MAST2: variants seen among roughly 807,000 people sequenced by gnomAD.
MAST2 encodes microtubule associated serine/threonine kinase 2.
Under a neutral mutation model 147.4 loss-of-function variants are expected in MAST2, and 70 were observed. That is an observed-to-expected ratio of 0.47 (90% CI 0.39 to 0.58). The LOEUF (loss-of-function observed/expected upper bound fraction) is 0.58. MAST2 is among the 20% of genes least tolerant of loss of function. MAST2 has a pLI of 0.00. For synonymous variants in MAST2, 869 were observed against 896.8 expected (o/e 0.97, Z 0.55); for missense variants, 2,080 against 2,302.3 (o/e 0.90, Z 1.98).
intron 4 of MAST2, chr1:45,913,940 C>T: frequency 9.2e-7 from 1 of 1,085,390 alleles, no homozygotes; most frequent in South Asian, 1.8e-5. Context: ...CTAATGCCAA[C>T]TAACACAGCT....
intron 3 of MAST2, among the ~76,000 whole-genome samples, chr1:45,868,005 G>A (rs1182220283): frequency 6.6e-6 from 1 of 152,188 alleles, no homozygotes; most frequent in African/African-American, 2.4e-5. Context: ...AGCAGTTTCA[G>A]TCTGCACAGT....
intron 4 of MAST2, among the ~76,000 whole-genome samples, chr1:45,948,886 G>T (rs921368319): frequency 2.6e-5 from 4 of 151,990 alleles, no homozygotes; most frequent in African/African-American, 9.7e-5. Context: ...ACAGAACAGA[G>T]AGCCTATTTT....
chr1:45,809,259 T>C (rs1644226132), intron 1 of MAST2, among the ~76,000 whole-genome samples: 1 of 152,240 alleles, frequency 6.6e-6, no homozygotes, highest in Non-Finnish European at 1.5e-5. Flanking sequence ...TGATATACTT[T>C]AATTAGTCAT....
At chr1:45,975,367 C>T (rs1030147514) in intron 5 of MAST2, among the ~76,000 whole-genome samples, 8 of 151,904 alleles carry the variant, frequency 5.3e-5, no homozygotes, top group African/African-American at 1.7e-4. Context: ...CAGTCCACAG[C>T]ATTATAGTTG....
chr1:45,880,357 T>C (rs141547712), intron 3 of MAST2, among the ~76,000 whole-genome samples: 6 of 152,330 alleles, frequency 3.9e-5, no homozygotes, highest in Non-Finnish European at 8.8e-5. Flanking sequence ...AAAAGTAATC[T>C]GTGGTGACAT....
At chr1:45,827,827 C>CT (rs1264032369) in intron 2 of MAST2, among the ~76,000 whole-genome samples, 1 of 152,000 alleles carries the variant, frequency 6.6e-6, no homozygotes, top group Non-Finnish European at 1.5e-5. Context: ...GAAGTCTTTC[C>CT]TTTTTTTAAA....
At chr1:45,884,952 G>A (rs1343162149) in intron 4 of MAST2, among the ~76,000 whole-genome samples, 1 of 152,156 alleles carries the variant, frequency 6.6e-6, no homozygotes, top group Non-Finnish European at 1.5e-5. Flanking sequence ...ACAGAGCTGG[G>A]CAAGTCTTTG....
chr1:45,911,143 T>A (rs752249102), intron 4 of MAST2, among the ~76,000 whole-genome samples: 2 of 152,218 alleles, frequency 1.3e-5, no homozygotes, highest in Non-Finnish European at 2.9e-5. Context: ...TCTTTCACCA[T>A]ACTGCAAATT....
At chr1:45,993,783 C>A (rs897351528) in intron 5 of MAST2, among the ~76,000 whole-genome samples, 4 of 152,112 alleles carry the variant, frequency 2.6e-5, no homozygotes, top group African/African-American at 9.7e-5. Flanking sequence ...AAACTGCCCT[C>A]ACTTTATACA....
chr1:46,023,123 A>G lies in MAST2; in HGVS notation c.1486-110A>G, dbSNP rs1646258921. The G allele has an allele frequency of 8.2e-7, 1 of 1,212,878 alleles. No individual in the cohort carries two copies. Among genetic ancestry groups the G allele is most frequent in the Admixed American group, 1.7e-5 (1 of 58,122 alleles). The allele number at this position is 1,212,878 out of a possible 1,614,324, so 75.1% of individuals were successfully genotyped here. On this transcript the variant is annotated intron_variant, in intron 13 of 28. Coordinates refer to ENST00000361297, the MANE Select transcript of MAST2 (RefSeq NM_015112.3). This position sits in a 1 kb window ranked among gnomAD's most constrained non-coding sequence, Gnocchi z 4.9. Reference sequence around the variant, plus strand: ...TCATTCTACTCCCAGAAGAATGAGCAGGAGACTGCACTAGAGCTGACAGCT... The same window carrying G: ...TCATTCTACTCCCAGAAGAATGAGCGGGAGACTGCACTAGAGCTGACAGCT...
At chr1:45,961,007 C>G (rs982921870) in intron 5 of MAST2, among the ~76,000 whole-genome samples, 19 of 152,088 alleles carry the variant, frequency 1.2e-4, no homozygotes, top group African/African-American at 4.6e-4. Context: ...TCTGGTGATT[C>G]TGAAACTGAA....
intron 4 of MAST2, 75 bp downstream of exon 4, chr1:45,882,470 C>T: frequency 8.8e-7 from 1 of 1,141,176 alleles, no homozygotes; most frequent in Non-Finnish European, 1.3e-6. Context: ...TTCCCACTAT[C>T]ATGTGGAGGA....
At chr1:45,816,194 T>G in intron 1 of MAST2, among the ~76,000 whole-genome samples, 7 of 58,004 alleles carry the variant, frequency 1.2e-4, no homozygotes, top group South Asian at 1.2e-3. Context: ...AGCTTGGTAT[T>G]GGGGGTGGGG....
chr1:45,970,622 C>T (rs932561079), intron 5 of MAST2, among the ~76,000 whole-genome samples: 4 of 143,440 alleles, frequency 2.8e-5, no homozygotes, highest in South Asian at 2.3e-4. Flanking sequence ...GAGCCCAGAT[C>T]GCACCACTGC....
chr1:45,950,698 G>A (rs950264893), intron 4 of MAST2, among the ~76,000 whole-genome samples: 1 of 152,116 alleles, frequency 6.6e-6, no homozygotes. Flanking sequence ...TTCACTGAAG[G>A]TAAGTTTGTA....
intron 4 of MAST2, among the ~76,000 whole-genome samples, chr1:45,898,212 G>C (rs1253869219): frequency 6.6e-6 from 1 of 152,100 alleles, no homozygotes; most frequent in Non-Finnish European, 1.5e-5. Flanking sequence ...AGTCATACTA[G>C]CATCCTCCCC....
chr1:45,843,746 T>TACAAAA (rs1166042685), intron 3 of MAST2, among the ~76,000 whole-genome samples: 6 of 152,354 alleles, frequency 3.9e-5, no homozygotes, highest in African/African-American at 1.4e-4. Context: ...TTTTCACTCT[T>TACAAAA]AGTTTTTCTT....
chr1:45,997,635 G>A (rs1224277307), intron 5 of MAST2, 89 bp from the exon 6 acceptor site: 2 of 896,376 alleles, frequency 2.2e-6, no homozygotes, highest in African/African-American at 1.6e-5. Flanking sequence ...ATAATTGCCA[G>A]TGCTAGGGGA....
At position 46,031,250 on chromosome 1, in the gene MAST2, G is replaced by T; in HGVS notation, c.2952G>T (p.Leu984=). The T allele has an allele frequency of 6.5e-7, 1 of 1,536,796 alleles. No homozygotes were observed. The highest frequency in any genetic ancestry group is 1.3e-5 in the South Asian group (1 of 79,286). The part of the protein sequence containing the change: ...TEHSGEQRPK[L]DEEAVGRSSG... ...ACTCAGGGGAGCAGCGGCCAAAGCTGGATGAGGAAGCTGTTGGCCGGAGCA... is the reference window on the plus strand; with the variant it reads ...ACTCAGGGGAGCAGCGGCCAAAGCTTGATGAGGAAGCTGTTGGCCGGAGCA... Residue 984 remains leucine, a synonymous_variant, in exon 23 of 29, where the codon CTG becomes CTT. Coordinates refer to ENST00000361297, the MANE Select transcript of MAST2 (RefSeq NM_015112.3). The surrounding 1 kb of genome is among the most constrained non-coding windows in gnomAD (Gnocchi z 4.1).
Sources: gnomAD v4.1 joint callset for allele counts (sites outside exome capture counted in the v4.1 genomes callset) on GRCh38, gnomAD v4.1.1 for gene constraint, Gnocchi (gnomAD v3.1) non-coding constraint, MANE v1.5 for transcripts, NCBI Gene and HGNC (gene_info 2026-07-23, HGNC 2026-07-21) for gene names.